ZNF561: variants seen among roughly 807,000 people sequenced by gnomAD.
ZNF561 encodes zinc finger protein 561.
Under a neutral mutation model 16.7 loss-of-function variants are expected in ZNF561, and 16 were observed. The observed-to-expected ratio is 0.96, with a 90% CI of 0.65 to 1.45. ZNF561 has a LOEUF of 1.45. ZNF561 is among the 40% of genes most tolerant of loss of function. The pLI is 0.00. For synonymous variants in ZNF561, 190 were observed against 192.1 expected (o/e 0.99, Z 0.09); for missense variants, 580 against 578.0 (o/e 1.00, Z -0.04).
In ZNF561 at chr19:9,621,178, T is replaced by C. The variant is rs2074669552; in HGVS notation, c.-143A>G. 1 of 154,778 alleles carries C rather than the reference T, an allele frequency of 6.5e-6. No individual in the cohort carries two copies. Among genetic ancestry groups the C allele is most frequent in the South Asian group, 1.7e-4 (1 of 5,900 alleles). 9.6% of individuals were successfully genotyped at this position (154,778 alleles called of 1,614,324 possible). A position where few individuals can be genotyped will look rare whatever the true frequency, so the allele number is the denominator to read the frequency against. ...GGAACTCACCACAGCCTGGGCAGAC[T>C]CCACCACCATAAAGGCGAAACCGCA... On this transcript the variant is annotated 5_prime_UTR_variant, in exon 1 of 6. Transcript: ENST00000302851.
intron 4 of ZNF561, among the ~76,000 whole-genome samples, chr19:9,615,784 G>A (rs2074544210): frequency 6.6e-6 from 1 of 151,448 alleles, no homozygotes; most frequent in Admixed American, 6.6e-5. Context: ...AACTGGGCAT[G>A]GTAGCAGGTG....
At chr19:9,614,251 A>C in intron 4 of ZNF561, 148 bp from the exon 5 acceptor site, 1 of 870,828 alleles carries the variant, frequency 1.1e-6, no homozygotes, top group Non-Finnish European at 1.8e-6. Context: ...AAATTTGGCT[A>C]TAATGATGTG....
rs745776708 is a variant in ZNF561, at chr19:9,619,453, C to T, written c.4G>A (p.Ala2Thr). The T allele has an allele frequency of 1.2e-6, 2 of 1,612,984 alleles. No individual in the cohort carries two copies. The highest frequency in any genetic ancestry group is 1.1e-5 in the South Asian group (1 of 90,988). Reference protein sequence around the residue: MAAIYLSRGFFS... With the variant: MTAIYLSRGFFS... ...TTACCACGGGACAAATAAATGGCTG[C>T]CATTCTCTGAAGCTGATGGTGTGAT... Residue 2 changes from alanine to threonine, a missense_variant, in exon 2 of 6, where the codon GCA becomes ACA. Physicochemically the swap from Ala to Thr is moderately conservative, Grantham distance 58 (BLOSUM62 0). Coordinates refer to ENST00000302851, the MANE Select transcript of ZNF561 (RefSeq NM_152289.3).
intron 4 of ZNF561, among the ~76,000 whole-genome samples, chr19:9,615,731 C>T (rs1041133021): frequency 6.7e-6 from 1 of 150,306 alleles, no homozygotes; most frequent in African/African-American, 2.5e-5. Flanking sequence ...CATGGCGAAA[C>T]CCCATCTCTA....
intron 1 of ZNF561, 193 bp downstream of exon 1, chr19:9,620,969 G>GGCAGAGGTT (rs540072423): frequency 1.3e-5 from 2 of 152,386 alleles, no homozygotes; most frequent in Non-Finnish European, 2.9e-5. Context: ...TGACCCTGGA[G>GGCAGAGGTT]GCAGAGGTTG....
intron 1 of ZNF561, among the ~76,000 whole-genome samples, chr19:9,620,703 A>G (rs192537726): frequency 9.2e-5 from 14 of 152,198 alleles, no homozygotes; most frequent in African/African-American, 3.4e-4. Context: ...TGTGTTATTG[A>G]TAACTTCATT....
intron 5 of ZNF561, among the ~76,000 whole-genome samples, chr19:9,611,682 T>C (rs2144875155): frequency 6.6e-6 from 1 of 152,234 alleles, no homozygotes; most frequent in East Asian, 1.9e-4. Context: ...TAAGCTCAGG[T>C]GATCTGCCTG....
intron 4 of ZNF561, among the ~76,000 whole-genome samples, chr19:9,614,442 C>T (rs542501535): frequency 3.3e-5 from 5 of 152,112 alleles, no homozygotes; most frequent in Non-Finnish European, 7.3e-5. Context: ...AACCCCATCT[C>T]TACTAAAAAT....
At chr19:9,611,409 A>C in intron 5 of ZNF561, 73 bp from the exon 6 acceptor site, 3 of 1,424,298 alleles carry the variant, frequency 2.1e-6, no homozygotes, top group Non-Finnish European at 2.8e-6. Flanking sequence ...TGAACACAGA[A>C]GCATTTTGAT....
At position 9,617,425 on chromosome 19, in the gene ZNF561, T is replaced by C. The variant is rs2074575668; in HGVS notation, c.115-254A>G. Reference sequence around the variant, plus strand: ...TGCTGATCTATTTTTAATTTTTTAATATTTGTATTTTTAAATTTTAAATTT... The same window carrying C: ...TGCTGATCTATTTTTAATTTTTTAACATTTGTATTTTTAAATTTTAAATTT... On this transcript the variant is annotated intron_variant, in intron 3 of 5. Transcript: ENST00000302851. 4 of 669,942 alleles carry C rather than the reference T, an allele frequency of 6.0e-6. 1 individual carries two copies. In the South Asian group the frequency reaches 2.6e-4, roughly 43 times the overall value. The allele number at this position is 669,942 out of a possible 1,614,324, so 41.5% of individuals were successfully genotyped here. A position where few individuals can be genotyped will look rare whatever the true frequency, so the allele number is the denominator to read the frequency against.
chr19:9,612,059 C>A (rs762115482), intron 5 of ZNF561, among the ~76,000 whole-genome samples: 27 of 152,108 alleles, frequency 1.8e-4, no homozygotes, highest in Non-Finnish European at 1.8e-4. Flanking sequence ...TCCTGAGTAG[C>A]TGGGATTACA....
At chr19:9,613,982 TAA>T (rs755568023) in intron 5 of ZNF561, 37 bp downstream of exon 5, 2 of 1,606,472 alleles carry the variant, frequency 1.2e-6, no homozygotes, top group Admixed American at 1.7e-5. Context: ...CTATCTTTTC[TAA>T]GAGAGGAAAT....
At position 9,618,481 on chromosome 19, in the gene ZNF561, C is replaced by G. The variant is rs564822552; in HGVS notation, c.26-302G>C. Among the ~76,000 whole-genome samples the G allele has an allele frequency of 9.2e-5, 14 of 152,258 alleles. No homozygotes were observed. The East Asian group carries it at 2.7e-3, about 29-fold the overall frequency. On this transcript the variant is annotated intron_variant, in intron 2 of 5. Transcript: ENST00000302851. ...GTGCCTCATGCCTGTAATCCCAGCACTTTGGGAGGCCGAGGCGGGTGGATC... is the reference window on the plus strand; with the variant it reads ...GTGCCTCATGCCTGTAATCCCAGCAGTTTGGGAGGCCGAGGCGGGTGGATC...
intron 1 of ZNF561, among the ~76,000 whole-genome samples, chr19:9,620,648 G>A (rs909337569): frequency 6.6e-6 from 1 of 152,162 alleles, no homozygotes; most frequent in Non-Finnish European, 1.5e-5. Context: ...ATGACCAGAA[G>A]ACAGTGCAGA....
Position 9,619,287 on chromosome 19 carries a change from A to G in ZNF561, c.25+145T>C. On this transcript the variant is annotated intron_variant, in intron 2 of 5. Transcript: ENST00000302851. ...TAAATAAATAAATAAATAAATAATA[A>G]AACAGCATTCTGTTCTGTGGTTCAC... is the stretch of plus-strand genomic sequence containing the variant. 3 of 535,768 alleles carry G rather than the reference A, an allele frequency of 5.6e-6. 1 individual carries two copies. The East Asian group carries it at 9.8e-5, about 17-fold the overall frequency. 33.2% of individuals were successfully genotyped at this position (535,768 alleles called of 1,614,324 possible).
intron 5 of ZNF561, 112 bp from the exon 6 acceptor site, chr19:9,611,448 T>TTTTA: frequency 1.7e-6 from 2 of 1,170,440 alleles, no homozygotes; most frequent in Non-Finnish European, 2.3e-6. Flanking sequence ...TTTTAATATT[T>TTTTA]AATTTTTTTT....
chr19:9,618,217 G>T (rs1385569749), intron 2 of ZNF561, 38 bp from the exon 3 acceptor site: 2 of 1,517,660 alleles, frequency 1.3e-6, no homozygotes, highest in Admixed American at 2.0e-5. Context: ...AGCCAGAGCT[G>T]CCCATCCTTC....
rs2074396258 is a variant in ZNF561 at position 9,608,887 on chromosome 19, A to G, written c.*1313T>C. The G allele has an allele frequency of 6.6e-6, 1 of 152,206 alleles. No homozygotes were observed. Among genetic ancestry groups the G allele is most frequent in the South Asian group, 2.1e-4 (1 of 4,826 alleles). The allele number at this position is 152,206 out of a possible 1,614,324, so 9.4% of individuals were successfully genotyped here. On this transcript the variant is annotated 3_prime_UTR_variant, in exon 6 of 6. Coordinates refer to ENST00000302851, the MANE Select transcript of ZNF561 (RefSeq NM_152289.3). ...TGAGTGCTTACAGGAAAATGTGCTC[A>G]GAACAGGCCCCCCAAATTTGGACAT...
In ZNF561 at chr19:9,610,764, G is replaced by A. The variant is rs532347484; in HGVS notation, c.897C>T (p.His299=). 5.6e-6 allele frequency: 9 copies of A among 1,614,182 alleles called. No individual in the cohort carries two copies. In the Admixed American group the frequency reaches 6.7e-5, roughly 12 times the overall value. The change falls in exon 6 of 6, where the codon CAC becomes CAT. Residue 299 remains histidine (H), a synonymous_variant. Coordinates refer to ENST00000302851, the MANE Select transcript of ZNF561 (RefSeq NM_152289.3). Reference sequence around the variant, plus strand: ...GTTTTATTCCAGTGTGAATTTGAATGTGATCATTAAGGCATGAGGAATTTC... The same window carrying A: ...GTTTTATTCCAGTGTGAATTTGAATATGATCATTAAGGCATGAGGAATTTC... The part of the protein sequence containing the change: ...SFRNSSCLND[H]IQIHTGIKPH...
Sources: allele counts gnomAD v4.1 joint callset (sites outside exome capture counted in the v4.1 genomes callset), GRCh38; gene constraint gnomAD v4.1.1; transcripts MANE v1.5; gene names NCBI Gene and HGNC (gene_info 2026-07-23, HGNC 2026-07-21).